The following AQR variants were observed in gnomAD, a reference collection of about 807,000 sequenced individuals.
The protein encoded by AQR is RNA helicase aquarius.
A neutral mutation model predicts 180.5 loss-of-function variants in AQR; 61 were observed. The observed-to-expected ratio is 0.34, with a 90% confidence interval of 0.28 to 0.42. The LOEUF (loss-of-function observed/expected upper bound fraction) is 0.42. Among genes scored for constraint, AQR ranks in the 10% least tolerant of loss-of-function variants. The probability of loss-of-function intolerance (pLI) is 1.00; values close to 1 mark genes in which losing one functional copy is unlikely to be tolerated. For missense variants in AQR, 1,281 were observed against 1,798.3 expected, an observed-to-expected ratio of 0.71 and a Z score of 5.20; for synonymous variants, 551 against 588.8, an observed-to-expected ratio of 0.94 and a Z score of 0.93.
At chr15:34,926,434 T>C (rs1045486873) in intron 13 of AQR, among the ~76,000 whole-genome samples, 8 of 152,166 alleles carry the variant, frequency 5.3e-5, no homozygotes, top group Admixed American at 1.3e-4. Context: ...GGGTTTAAAT[T>C]GTATCTCTGC....
intron 7 of AQR, 25 bp downstream of exon 7, chr15:34,941,987 T>A (rs754185074): frequency 4.4e-6 from 7 of 1,580,618 alleles, no homozygotes; most frequent in Non-Finnish European, 5.2e-6. Context: ...CATACATTCA[T>A]AAGACTCTGA....
In AQR at chr15:34,918,322, C is replaced by T. The variant is rs1427025253; in HGVS notation, c.1278G>A (p.Leu426=). 14 of 1,613,552 alleles carry T rather than the reference C, an allele frequency of 8.7e-6. No individual in the cohort carries two copies. The highest frequency in any genetic ancestry group is 1.2e-5 in the Non-Finnish European group (14 of 1,179,784). ...SQIQQLNQMP[L]YPTEKIIWDE... ...CCCATATAATTTTCTCAGTTGGATA[C>T]AAAGGCATCTGGTTCAACTGCTGAA... Residue 426 remains leucine (L), a synonymous_variant, in exon 15 of 35, where the codon TTG becomes TTA. Transcript: ENST00000156471.
chr15:34,902,368 A>AT (rs890934850), intron 19 of AQR, among the ~76,000 whole-genome samples: 1 of 152,136 alleles, frequency 6.6e-6, no homozygotes, highest in African/African-American at 2.4e-5. Flanking sequence ...AAGGCAATAA[A>AT]TGAGAGATGC....
In AQR at chr15:34,944,280, A is replaced by G. The variant is rs1386394224; in HGVS notation, c.471+8T>C. ...TGAAAATTACCCCAAAATATAAAGT[A>G]AAAGTACCAAACTATTGAAGCAATG... On this transcript the variant is annotated splice_region_variant and intron_variant, in intron 6 of 34. Coordinates refer to ENST00000156471, the MANE Select transcript of AQR (RefSeq NM_014691.3). The G allele has an allele frequency of 1.1e-5, 17 of 1,574,576 alleles. No homozygotes were observed. In the East Asian group the frequency reaches 3.9e-4, roughly 36 times the overall value.
At chr15:34,868,079 A>G (rs938130922) in intron 31 of AQR, 1 of 159,606 alleles carries the variant, frequency 6.3e-6, no homozygotes, top group African/African-American at 2.4e-5. Flanking sequence ...GTTTGAAAAT[A>G]TATGTACATG....
chr15:34,952,410 G>C (rs1894248055), intron 4 of AQR, among the ~76,000 whole-genome samples: 1 of 152,146 alleles, frequency 6.6e-6, no homozygotes, highest in African/African-American at 2.4e-5. Context: ...AACAATCCTG[G>C]CTCTTATTTT....
At chr15:34,906,733 T>C in intron 17 of AQR, 21 bp from the exon 18 acceptor site, 1 of 1,593,604 alleles carries the variant, frequency 6.3e-7, no homozygotes, top group Non-Finnish European at 8.5e-7. Flanking sequence ...ATAAAGACAT[T>C]TTCATTTATT....
chr15:34,930,413 G>C (rs1277669619), intron 11 of AQR, 42 bp from the exon 12 acceptor site: 2 of 1,144,254 alleles, frequency 1.7e-6, no homozygotes, highest in East Asian at 4.7e-5. Flanking sequence ...ATGAACATAA[G>C]GGCAAGAAAG....
chr15:34,937,850 C>T (rs975930014), intron 9 of AQR, among the ~76,000 whole-genome samples: 1 of 151,742 alleles, frequency 6.6e-6, no homozygotes, highest in Non-Finnish European at 1.5e-5. Context: ...TGCCACTGCA[C>T]TCCATCCTGG....
intron 13 of AQR, among the ~76,000 whole-genome samples, chr15:34,920,851 G>T (rs1052643704): frequency 1.3e-5 from 2 of 151,656 alleles, no homozygotes; most frequent in African/African-American, 2.4e-5. Flanking sequence ...CCAGCTACTC[G>T]GGAGGCTGAG....
intron 10 of AQR, among the ~76,000 whole-genome samples, chr15:34,934,007 G>T (rs2140493322): frequency 6.6e-6 from 1 of 152,202 alleles, no homozygotes; most frequent in East Asian, 1.9e-4. Flanking sequence ...TGTAGTCTCA[G>T]CTGATCAGGG....
At chr15:34,877,154 G>A (rs929382324) in intron 27 of AQR, among the ~76,000 whole-genome samples, 2 of 152,058 alleles carry the variant, frequency 1.3e-5, no homozygotes, top group Admixed American at 6.6e-5. Context: ...TTCCTTCTTC[G>A]ATAATTACTA....
At chr15:34,941,911 A>C (rs761610900) in intron 7 of AQR, 101 bp downstream of exon 7, 7 of 825,840 alleles carry the variant, frequency 8.5e-6, no homozygotes, top group Non-Finnish European at 1.2e-5. Context: ...GAAAAGGGGT[A>C]TTTAGCTACC....
chr15:34,903,562 T>G (rs996041292), intron 19 of AQR, among the ~76,000 whole-genome samples: 7 of 152,108 alleles, frequency 4.6e-5, no homozygotes, highest in Non-Finnish European at 8.8e-5. Context: ...TCCATTTGTG[T>G]TCAACAACAG....
In AQR at chr15:34,969,587, C is replaced by G. The variant is rs369399646; in HGVS notation, c.27G>C (p.Lys9Asn). The change falls in exon 1 of 35, where the codon AAG (lysine) becomes AAC (asparagine). Residue 9 changes from lysine (K) to asparagine (N), a missense_variant. Transcript: ENST00000156471. ...TTTGGGACACCGTAGGGGCCACGATCTTCTTGGGCTGCGCAGGGGCTGCCA... is the reference window on the plus strand; with the variant it reads ...TTTGGGACACCGTAGGGGCCACGATGTTCTTGGGCTGCGCAGGGGCTGCCA... MAAPAQPK[K>N]IVAPTVSQIN... 1.3e-4 allele frequency: 215 copies of G among 1,613,580 alleles called. No individual in the cohort carries two copies. Among genetic ancestry groups the G allele is most frequent in the Non-Finnish European group, 1.7e-4 (206 of 1,180,030 alleles).
chr15:34,867,279 G>A (rs773791754), intron 32 of AQR, among the ~76,000 whole-genome samples: 4 of 151,962 alleles, frequency 2.6e-5, no homozygotes, highest in East Asian at 1.9e-4. Context: ...ATGATAAAAC[G>A]CTATCTCTGA....
Position 34,969,687 on chromosome 15 carries a change from C to T in AQR, c.-74G>A, listed in dbSNP as rs745786897. The T allele has an allele frequency of 2.9e-5, 42 of 1,471,296 alleles. No homozygotes were observed. The highest frequency in any genetic ancestry group is 3.6e-5 in the Non-Finnish European group (39 of 1,088,208). 91.1% of individuals were successfully genotyped at this position (1,471,296 alleles called of 1,614,324 possible). On this transcript the variant is annotated 5_prime_UTR_variant, in exon 1 of 35. Coordinates refer to ENST00000156471, the MANE Select transcript of AQR (RefSeq NM_014691.3). Reference sequence around the variant, plus strand: ...GCAGCGGCAACCCTGGTCCACTTCCCTTAAGTTACTGCCGGGGCGCTTAAC... The same window carrying T: ...GCAGCGGCAACCCTGGTCCACTTCCTTTAAGTTACTGCCGGGGCGCTTAAC...
chr15:34,920,823 T>G (rs1053977736), intron 13 of AQR, among the ~76,000 whole-genome samples: 1 of 152,014 alleles, frequency 6.6e-6, no homozygotes, highest in Non-Finnish European at 1.5e-5. Flanking sequence ...CCGGGCGTGG[T>G]GGCGGGCGCC....
intron 3 of AQR, among the ~76,000 whole-genome samples, chr15:34,954,719 G>A (rs762952349): frequency 1.3e-5 from 2 of 152,054 alleles, no homozygotes; most frequent in Non-Finnish European, 2.9e-5. Flanking sequence ...TTATACTTTT[G>A]CCAATGAACT....
Sources: gnomAD v4.1 joint callset for allele counts (sites outside exome capture counted in the v4.1 genomes callset) on GRCh38, gnomAD v4.1.1 for gene constraint, MANE v1.5 for transcripts, NCBI Gene and HGNC (gene_info 2026-07-23, HGNC 2026-07-21) for gene names.